EIF3B: variants seen among roughly 807,000 people sequenced by gnomAD.
The protein encoded by EIF3B is eukaryotic translation initiation factor 3 subunit B.
In EIF3B, 10 loss-of-function variants were observed where a neutral mutation model predicts 104.6. That is an observed-to-expected ratio of 0.10 (90% CI 0.06 to 0.16). EIF3B has a LOEUF of 0.16. Among genes scored for constraint, EIF3B ranks in the 10% least tolerant of loss-of-function variants. The pLI, the probability that EIF3B is intolerant of heterozygous loss-of-function variation, is 1.00. For missense variants in EIF3B, 1,014 were observed against 1,087.9 expected (o/e 0.93, Z 0.96); for synonymous variants, 542 against 417.2 (o/e 1.30, Z -3.65).
intron 15 of EIF3B, 127 bp downstream of exon 15, chr7:2,377,202 C>T: frequency 7.8e-7 from 1 of 1,276,548 alleles, no homozygotes. Context: ...TGCAAGGATT[C>T]TTTGAAGAGA....
Position 2,364,367 on chromosome 7 carries a change from T to C in EIF3B, c.1000-5T>C, listed in dbSNP as rs138890182. 6.9e-4 allele frequency: 1,098 copies of C among 1,582,098 alleles called. 8 individuals carry two copies. The African/African-American group carries it at 0.013, about 19-fold the overall frequency. On this transcript the variant is annotated splice_region_variant and splice_polypyrimidine_tract_variant and intron_variant, in intron 5 of 18. Transcript: ENST00000360876. Reference sequence around the variant, plus strand: ...TATTAACGTTGGCACTGCCTTTTTCTGCAGAGATGGACAGAGACGTATGTG... The same window carrying C: ...TATTAACGTTGGCACTGCCTTTTTCCGCAGAGATGGACAGAGACGTATGTG...
At position 2,362,685 on chromosome 7, in the gene EIF3B, G is replaced by T; in HGVS notation, c.733G>T (p.Asp245Tyr). 1.2e-6 allele frequency: 2 copies of T among 1,614,232 alleles called. No homozygotes were observed. Among genetic ancestry groups the T allele is most frequent in the Non-Finnish European group, 1.7e-6 (2 of 1,180,042 alleles). The change falls in exon 3 of 19, where the codon GAT becomes TAT. Residue 245 changes from aspartate (D) to tyrosine (Y), a missense_variant. Coordinates refer to ENST00000360876, the MANE Select transcript of EIF3B (RefSeq NM_001037283.2). ...LEYASPAHAV[D>Y]AVKNADGYKL... ...GTACGCGTCCCCTGCCCACGCTGTG[G>T]ATGCTGTGAAGAACGCCGACGGCTA... is the stretch of plus-strand genomic sequence containing the variant.
intron 9 of EIF3B, among the ~76,000 whole-genome samples, chr7:2,367,510 G>A (rs185888797): frequency 1.2e-3 from 186 of 152,200 alleles, no homozygotes; most frequent in African/African-American, 4.3e-3. Flanking sequence ...GTCTCGCTCC[G>A]TCAGGCTGGA....
chr7:2,358,752 C>T (rs1293172121), intron 1 of EIF3B, among the ~76,000 whole-genome samples: 2 of 152,112 alleles, frequency 1.3e-5, no homozygotes, highest in African/African-American at 4.8e-5. Context: ...TGGTCTTGAA[C>T]TCCTGGCCTC....
At chr7:2,363,531 A>G in intron 4 of EIF3B, 101 bp from the exon 5 acceptor site, 1 of 1,073,172 alleles carries the variant, frequency 9.3e-7, no homozygotes, top group Non-Finnish European at 1.3e-6. Context: ...CTTGGGAGTT[A>G]AGATGTGGAC....
intron 6 of EIF3B, 91 bp downstream of exon 6, chr7:2,364,620 TTAG>T (rs1583160760): frequency 5.5e-6 from 7 of 1,270,756 alleles, no homozygotes; most frequent in East Asian, 2.4e-5. Context: ...CATTTCAAAC[TTAG>T]TAGAAAAATA....
chr7:2,375,179 T>C (rs938062159), intron 13 of EIF3B: 3 of 548,606 alleles, frequency 5.5e-6, no homozygotes, highest in Admixed American at 6.2e-5. Flanking sequence ...AAAAATAATA[T>C]GATGGCAGTC....
intron 3 of EIF3B, 39 bp downstream of exon 3, chr7:2,362,803 G>A (rs202013695): frequency 1.3e-4 from 216 of 1,612,792 alleles, no homozygotes; most frequent in South Asian, 1.8e-4. Flanking sequence ...GGACGTTGAC[G>A]TGCAAGTGAC....
At chr7:2,377,555 C>T (rs1344036394) in intron 15 of EIF3B, among the ~76,000 whole-genome samples, 18 of 113,904 alleles carry the variant, frequency 1.6e-4, no homozygotes, top group Admixed American at 3.3e-4. Context: ...GGCACGAGCG[C>T]TCCTGGGATG....
chr7:2,366,705 G>T, intron 8 of EIF3B, 114 bp downstream of exon 8: 1 of 1,230,558 alleles, frequency 8.1e-7, no homozygotes, highest in Non-Finnish European at 1.2e-6. Flanking sequence ...AGATGCATAG[G>T]AAAGGCCTGT....
intron 11 of EIF3B, 89 bp downstream of exon 11, chr7:2,371,938 G>C: frequency 9.5e-7 from 1 of 1,049,848 alleles, no homozygotes; most frequent in Non-Finnish European, 1.5e-6. Context: ...GGGGTTGTCT[G>C]AGCAGCTGAG....
Position 2,377,090 on chromosome 7 carries a change from AC to A in EIF3B, c.2154+20del. ...AACAGATCAAGGTCAGCATGCCCCC[AC>A]CCCCGGGTGCAGGGCACATGGAGGC... On this transcript the variant is annotated intron_variant, in intron 15 of 18. Coordinates refer to ENST00000360876, the MANE Select transcript of EIF3B (RefSeq NM_001037283.2). 4 of 1,597,326 alleles carry A rather than the reference AC, an allele frequency of 2.5e-6. No individual in the cohort carries two copies. The highest frequency in any genetic ancestry group is 1.7e-5 in the Admixed American group (1 of 59,016).
At position 2,375,389 on chromosome 7, in the gene EIF3B, T is replaced by G; in HGVS notation, c.1890T>G (p.Ser630Arg). 6.2e-7 allele frequency: 1 copy of G among 1,614,224 alleles called. No individual in the cohort carries two copies. Among genetic ancestry groups the G allele is most frequent in the Non-Finnish European group, 8.5e-7 (1 of 1,180,022 alleles). ...GQFVVLAGLR[S>R]MNGALAFVDT... is the part of the protein sequence containing the mutation. ...CTGACGGTCCTGTCTGTCTTTGCAGTATGAACGGTGCCTTAGCGTTTGTGG... is the reference window on the plus strand; with the variant it reads ...CTGACGGTCCTGTCTGTCTTTGCAGGATGAACGGTGCCTTAGCGTTTGTGG... Residue 630 changes from serine to arginine, a missense_variant and splice_region_variant, in exon 14 of 19, where the codon AGT (serine) becomes AGG (arginine). Ser to Arg is a moderately radical substitution (Grantham distance 110). Transcript: ENST00000360876.
In EIF3B at chr7:2,360,340, A is replaced by G. The variant is rs186035452; in HGVS notation, c.500-370A>G. Among the ~76,000 whole-genome samples the G allele has an allele frequency of 3.5e-3, 539 of 152,364 alleles. 3 individuals are homozygous for G. Among genetic ancestry groups the G allele is most frequent in the African/African-American group, 0.01 (422 of 41,590 alleles). Reference sequence around the variant, plus strand: ...ATTCTGCCTGCCTAGATGTTGCAACAAACCTTTCAAAATCTAGGCATCTCT... The same window carrying G: ...ATTCTGCCTGCCTAGATGTTGCAACGAACCTTTCAAAATCTAGGCATCTCT... On this transcript the variant is annotated intron_variant, in intron 1 of 18. Coordinates refer to ENST00000360876, the MANE Select transcript of EIF3B (RefSeq NM_001037283.2).
Position 2,367,681 on chromosome 7 carries a change from G to A in EIF3B, c.1403+636G>A, listed in dbSNP as rs577815692. Among the ~76,000 whole-genome samples, 24 of 152,094 alleles carry A rather than the reference G, an allele frequency of 1.6e-4. No individual in the cohort carries two copies. In the East Asian group the frequency reaches 2.3e-3, roughly 15 times the overall value. ...GATGGGGTTTCACCATGTTGGCTGG[G>A]CTGGTCTCAAACTCCTGACCTTGTG... On this transcript the variant is annotated intron_variant, in intron 9 of 18. Transcript: ENST00000360876.
intron 4 of EIF3B, 73 bp from the exon 5 acceptor site, chr7:2,363,559 T>G: frequency 2.9e-6 from 4 of 1,396,748 alleles, no homozygotes; most frequent in East Asian, 2.4e-5. Flanking sequence ...GTCATATCTT[T>G]AAGAGCAATA....
chr7:2,373,089 C>T lies in EIF3B; in HGVS notation c.1810+294C>T, dbSNP rs1427312040. On this transcript the variant is annotated intron_variant, in intron 12 of 18. Transcript: ENST00000360876. Reference sequence around the variant, plus strand: ...GCTTTTTCTCTTCTGGCTGTAGCTGCTGTCCCTGGGCTTGGGGTCACTTCC... The same window carrying T: ...GCTTTTTCTCTTCTGGCTGTAGCTGTTGTCCCTGGGCTTGGGGTCACTTCC... 8 of 236,908 alleles carry T rather than the reference C, an allele frequency of 3.4e-5. No homozygotes were observed. In the East Asian group the frequency reaches 6.2e-4, roughly 18 times the overall value. The allele number at this position is 236,908 out of a possible 1,614,324, so 14.7% of individuals were successfully genotyped here. A position where few individuals can be genotyped will look rare whatever the true frequency, so the allele number is the denominator to read the frequency against.
At chr7:2,357,987 C>T (rs1165502228) in intron 1 of EIF3B, among the ~76,000 whole-genome samples, 3 of 147,160 alleles carry the variant, frequency 2.0e-5, no homozygotes, top group South Asian at 2.2e-4. Context: ...GTGTCCGGCA[C>T]TGCAGTGACT....
At chr7:2,364,710 A>G (rs923592390) in intron 6 of EIF3B, among the ~76,000 whole-genome samples, 181 bp downstream of exon 6, 1 of 152,188 alleles carries the variant, frequency 6.6e-6, no homozygotes, top group Non-Finnish European at 1.5e-5. Context: ...ATCATCTCCT[A>G]TACAGATATT....
Sources: gnomAD v4.1 joint callset for allele counts (sites outside exome capture counted in the v4.1 genomes callset) on GRCh38, gnomAD v4.1.1 for gene constraint, MANE v1.5 for transcripts, NCBI Gene and HGNC (gene_info 2026-07-23, HGNC 2026-07-21) for gene names.